RBFOX1: variants seen among roughly 807,000 people sequenced by gnomAD.
RBFOX1 encodes the protein RNA binding fox-1 homolog 1.
Under a neutral mutation model 57.7 loss-of-function variants are expected in RBFOX1, and 8 were observed. That is an observed-to-expected ratio of 0.14 (90% CI 0.08 to 0.25). The LOEUF is 0.25. Among genes scored for constraint, RBFOX1 ranks in the 10% least tolerant of loss-of-function variants. The pLI, the probability that RBFOX1 is intolerant of heterozygous loss-of-function variation, is 1.00. For missense variants in RBFOX1, 611 were observed against 548.5 expected (o/e 1.11, Z -1.14); for synonymous variants, 326 against 222.4 (o/e 1.47, Z -4.15).
intron 2 of RBFOX1, among the ~76,000 whole-genome samples, chr16:6,612,419 A>G (rs2098074595): frequency 6.6e-6 from 1 of 152,230 alleles, no homozygotes. Flanking sequence ...ATATGTGTGT[A>G]TGTGCAGATC....
At chr16:6,676,445 T>G (rs1055564520) in intron 3 of RBFOX1, among the ~76,000 whole-genome samples, 5 of 151,998 alleles carry the variant, frequency 3.3e-5, no homozygotes, top group African/African-American at 1.2e-4. Context: ...GAAGGCAGTA[T>G]AGCAACCAAG....
intron 4 of RBFOX1, among the ~76,000 whole-genome samples, chr16:7,120,079 A>C (rs2066775517): frequency 6.6e-6 from 1 of 152,140 alleles, no homozygotes; most frequent in South Asian, 2.1e-4. Context: ...CTTGGAAATT[A>C]AACCGCAAAG....
chr16:7,259,483 G>A (rs2153059542), intron 4 of RBFOX1, among the ~76,000 whole-genome samples: 1 of 151,614 alleles, frequency 6.6e-6, no homozygotes, highest in Middle Eastern at 3.4e-3. Context: ...TGCATTTAAT[G>A]GTGATACAAA....
chr16:7,091,527 TAA>T (rs199716851), intron 4 of RBFOX1, among the ~76,000 whole-genome samples: 1 of 147,258 alleles, frequency 6.8e-6, no homozygotes, highest in African/African-American at 2.5e-5. Flanking sequence ...TTCAGTCACT[TAA>T]AAAAAAAAAG....
At chr16:5,312,180 A>T (rs151088806) in intron 1 of RBFOX1, among the ~76,000 whole-genome samples, 48 of 152,330 alleles carry the variant, frequency 3.2e-4, no homozygotes, top group Admixed American at 6.5e-4. Context: ...GGTCATATAT[A>T]GGCCATTGTT....
At chr16:6,968,465 CG>C (rs1452705028) in intron 3 of RBFOX1, among the ~76,000 whole-genome samples, 1 of 152,108 alleles carries the variant, frequency 6.6e-6, no homozygotes, top group African/African-American at 2.4e-5. Context: ...CTATCCGGAC[CG>C]AAAAACTGAG....
At chr16:6,321,485 A>G (rs2081782386) in intron 2 of RBFOX1, among the ~76,000 whole-genome samples, 2 of 152,174 alleles carry the variant, frequency 1.3e-5, no homozygotes, top group African/African-American at 2.4e-5. Flanking sequence ...CCTTGAATTT[A>G]CCCTTGATCC....
chr16:6,618,642 G>A (rs1431961501), intron 2 of RBFOX1, among the ~76,000 whole-genome samples: 1 of 152,198 alleles, frequency 6.6e-6, no homozygotes, highest in Non-Finnish European at 1.5e-5. Flanking sequence ...CGTGGCTAGT[G>A]CGTGAGAGAA....
intron 3 of RBFOX1, among the ~76,000 whole-genome samples, chr16:5,687,365 A>G (rs939701969): frequency 6.6e-6 from 1 of 152,108 alleles, no homozygotes; most frequent in South Asian, 2.1e-4. Flanking sequence ...CTCCCCACCA[A>G]TTAGTGGGTA....
chr16:6,492,977 G>T (rs766649110), intron 2 of RBFOX1, among the ~76,000 whole-genome samples: 2 of 152,142 alleles, frequency 1.3e-5, no homozygotes, highest in Admixed American at 6.5e-5. Context: ...CTAAGAGAGG[G>T]GCAGGGAAGA....
chr16:7,534,614 T>C (rs1020441397), intron 5 of RBFOX1, among the ~76,000 whole-genome samples: 3 of 152,138 alleles, frequency 2.0e-5, no homozygotes, highest in Admixed American at 6.5e-5. Context: ...TCTTCTGTTG[T>C]TCTCAGCAAA....
intron 10 of RBFOX1, chr16:7,614,652 G>A (rs1236695044): frequency 6.6e-6 from 1 of 152,194 alleles, no homozygotes; most frequent in African/African-American, 2.4e-5. Context: ...GGAAGCGAAT[G>A]AGGTTTGGAT....
At chr16:6,514,996 A>G (rs1345253249) in intron 2 of RBFOX1, among the ~76,000 whole-genome samples, 1 of 152,166 alleles carries the variant, frequency 6.6e-6, no homozygotes, top group African/African-American at 2.4e-5. Flanking sequence ...AACCAGAGAA[A>G]TAACAGTGTA....
At chr16:5,918,537 C>T (rs1484456440) in intron 4 of RBFOX1, among the ~76,000 whole-genome samples, 1 of 152,230 alleles carries the variant, frequency 6.6e-6, no homozygotes, top group Non-Finnish European at 1.5e-5. Flanking sequence ...AATAGGCCTA[C>T]TGACCAGCTT....
intron 3 of RBFOX1, among the ~76,000 whole-genome samples, chr16:5,764,269 C>G (rs2053696197): frequency 6.6e-6 from 1 of 152,060 alleles, no homozygotes; most frequent in African/African-American, 2.4e-5. Flanking sequence ...CCTGGAATAC[C>G]AGGAATATCT....
intron 3 of RBFOX1, among the ~76,000 whole-genome samples, chr16:5,761,632 A>G (rs756959682): frequency 1.3e-5 from 2 of 152,186 alleles, no homozygotes; most frequent in Non-Finnish European, 2.9e-5. Context: ...CACAAGAACA[A>G]CATGAGGGTA....
chr16:6,537,807 A>T (rs951430104), intron 2 of RBFOX1, among the ~76,000 whole-genome samples: 1 of 152,184 alleles, frequency 6.6e-6, no homozygotes, highest in Admixed American at 6.5e-5. Context: ...GAAATTCAGG[A>T]AATGATTTAC....
intron 2 of RBFOX1, among the ~76,000 whole-genome samples, chr16:6,370,623 A>C (rs562507081): frequency 6.6e-6 from 1 of 152,280 alleles, no homozygotes. Flanking sequence ...TATTTCAGGT[A>C]CCTAGGATAG....
intron 2 of RBFOX1, among the ~76,000 whole-genome samples, chr16:6,558,370 A>C (rs1452096625): frequency 6.6e-6 from 1 of 152,180 alleles, no homozygotes; most frequent in Non-Finnish European, 1.5e-5. Context: ...AGCTCAGTGC[A>C]GTCTTCTCTT....
Sources: gnomAD v4.1 joint callset for allele counts (sites outside exome capture counted in the v4.1 genomes callset) on GRCh38, gnomAD v4.1.1 for gene constraint, MANE v1.5 for transcripts, NCBI Gene and HGNC (gene_info 2026-07-23, HGNC 2026-07-21) for gene names.